Variants in GABRA5 observed in about 807,000 individuals in gnomAD.
GABRA5 encodes gamma-aminobutyric acid type A receptor subunit alpha5.
GABRA5 carries 18 observed loss-of-function variants against 47.3 expected under a neutral mutation model. The observed-to-expected ratio is 0.38, with a 90% CI of 0.26 to 0.56. The LOEUF is 0.56. Among genes scored for constraint, GABRA5 ranks in the 20% least tolerant of loss-of-function variants. The pLI is 0.71. For missense variants in GABRA5, 365 were observed against 599.3 expected (o/e 0.61, Z 4.08); for synonymous variants, 237 against 229.3 (o/e 1.03, Z -0.30).
chr15:26,922,928 T>C (rs1278730632), intron 7 of GABRA5, among the ~76,000 whole-genome samples: 1 of 152,198 alleles, frequency 6.6e-6, no homozygotes, highest in Non-Finnish European at 1.5e-5. Context: ...GCTTGGCCAG[T>C]ATTACTTTAT....
At chr15:26,884,027 A>C (rs530189660) in intron 6 of GABRA5, among the ~76,000 whole-genome samples, 21 of 151,394 alleles carry the variant, frequency 1.4e-4, no homozygotes, top group Non-Finnish European at 2.2e-4. Context: ...ACAAAAAAAA[A>C]CAAAAAAGAA....
intron 8 of GABRA5, 42 bp downstream of exon 8, chr15:26,937,370 A>T: frequency 6.4e-7 from 1 of 1,557,358 alleles, no homozygotes; most frequent in Non-Finnish European, 8.7e-7. Context: ...CGCACTCAGG[A>T]CACCACACCC....
At chr15:26,914,738 A>T in intron 6 of GABRA5, 65 bp from the exon 7 acceptor site, 1 of 1,251,932 alleles carries the variant, frequency 8.0e-7, no homozygotes. Context: ...CTGGGACACG[A>T]TGGTGGCTCA....
At chr15:26,879,956 A>G (rs553062308) in intron 3 of GABRA5, among the ~76,000 whole-genome samples, 2 of 152,176 alleles carry the variant, frequency 1.3e-5, no homozygotes, top group South Asian at 4.2e-4. Context: ...GTAATTCAAA[A>G]CCAGTTGCTA....
intron 6 of GABRA5, among the ~76,000 whole-genome samples, chr15:26,893,252 T>C (rs1893063394): frequency 7.1e-6 from 1 of 141,816 alleles, no homozygotes; most frequent in Non-Finnish European, 1.5e-5. Flanking sequence ...GTGTATATGG[T>C]GTGTTGTGTG....
At chr15:26,897,961 T>C (rs1181699129) in intron 6 of GABRA5, among the ~76,000 whole-genome samples, 1 of 152,116 alleles carries the variant, frequency 6.6e-6, no homozygotes, top group African/African-American at 2.4e-5. Context: ...AGCTCAATAA[T>C]TTAAACGACA....
chr15:26,938,308 C>A (rs1894295957), intron 8 of GABRA5, among the ~76,000 whole-genome samples: 1 of 152,138 alleles, frequency 6.6e-6, no homozygotes, highest in Non-Finnish European at 1.5e-5. Context: ...AGGGAACCGG[C>A]CGGTTTTATG....
intron 6 of GABRA5, among the ~76,000 whole-genome samples, chr15:26,914,220 C>G (rs1261963092): frequency 6.6e-6 from 1 of 152,092 alleles, no homozygotes; most frequent in Non-Finnish European, 1.5e-5. Context: ...GGTTCACTTA[C>G]TATACAGTTT....
intron 6 of GABRA5, among the ~76,000 whole-genome samples, chr15:26,895,737 C>T (rs917595942): frequency 6.0e-5 from 9 of 149,306 alleles, no homozygotes; most frequent in Admixed American, 2.7e-4. Flanking sequence ...CGCTTGAACC[C>T]GGGAGGCGGA....
At chr15:26,891,415 T>C (rs995450303) in intron 6 of GABRA5, among the ~76,000 whole-genome samples, 31 of 152,194 alleles carry the variant, frequency 2.0e-4, no homozygotes, top group African/African-American at 7.5e-4. Context: ...CCATCGATAA[T>C]GTCCAAGTGC....
chr15:26,888,876 C>T (rs1428923502), intron 6 of GABRA5, among the ~76,000 whole-genome samples: 1 of 152,148 alleles, frequency 6.6e-6, no homozygotes, highest in Non-Finnish European at 1.5e-5. Context: ...CCGGTAGGCT[C>T]TTGTGTGACT....
At chr15:26,878,303 C>A (rs1196234222) in intron 3 of GABRA5, among the ~76,000 whole-genome samples, 1 of 152,242 alleles carries the variant, frequency 6.6e-6, no homozygotes. Flanking sequence ...GCCAGTTCCC[C>A]AGGCATGTGT....
chr15:26,922,425 T>C (rs975907769), intron 7 of GABRA5, among the ~76,000 whole-genome samples: 4 of 152,190 alleles, frequency 2.6e-5, no homozygotes, highest in African/African-American at 7.2e-5. Flanking sequence ...GATAAATATT[T>C]TTTCATGTTT....
At chr15:26,907,496 G>A (rs903426592) in intron 6 of GABRA5, among the ~76,000 whole-genome samples, 8 of 152,040 alleles carry the variant, frequency 5.3e-5, no homozygotes. Context: ...TGGATTTGAC[G>A]GGGTCAGACT....
intron 6 of GABRA5, among the ~76,000 whole-genome samples, chr15:26,886,778 G>A (rs1264698697): frequency 6.6e-6 from 1 of 152,184 alleles, no homozygotes; most frequent in Non-Finnish European, 1.5e-5. Context: ...GTGGCTGTTT[G>A]TGCGGAGGAA....
At chr15:26,925,407 G>A (rs1416083848) in intron 7 of GABRA5, among the ~76,000 whole-genome samples, 1 of 152,036 alleles carries the variant, frequency 6.6e-6, no homozygotes, top group Non-Finnish European at 1.5e-5. Context: ...TTTCCAATCT[G>A]TTCTTAAGCC....
chr15:26,930,214 T>G (rs1894066158), intron 7 of GABRA5, among the ~76,000 whole-genome samples: 1 of 152,002 alleles, frequency 6.6e-6, no homozygotes. Context: ...GGTTTCACCA[T>G]ATTGGCCAGG....
chr15:26,943,526 G>A lies in GABRA5; in HGVS notation c.1089+100G>A, dbSNP rs184713635. 3.9e-4 allele frequency: 420 copies of A among 1,066,336 alleles called. No individual in the cohort carries two copies. The African/African-American group carries it at 5.8e-3, about 15-fold the overall frequency. 66.1% of individuals were successfully genotyped at this position (1,066,336 alleles called of 1,614,324 possible). ...GACAAGGTGCTGCTCCTTCCTACCC[G>A]CCAGCCCCCGAATGCTCCTTTCCTC... is the stretch of plus-strand genomic sequence containing the variant. On this transcript the variant is annotated intron_variant, in intron 10 of 10. Coordinates refer to ENST00000335625, the MANE Select transcript of GABRA5 (RefSeq NM_000810.4).
At chr15:26,946,447 T>G (rs1846992044) in intron 10 of GABRA5, among the ~76,000 whole-genome samples, 1 of 145,164 alleles carries the variant, frequency 6.9e-6, no homozygotes, top group African/African-American at 2.5e-5. Context: ...TTTTTTTTTT[T>G]GCTACATTTC....
Sources: allele counts gnomAD v4.1 joint callset (sites outside exome capture counted in the v4.1 genomes callset), GRCh38; gene constraint gnomAD v4.1.1; transcripts MANE v1.5; gene names NCBI Gene and HGNC (gene_info 2026-07-23, HGNC 2026-07-21).